Variants in CDCA2 observed in about 807,000 individuals in gnomAD.
CDCA2 encodes the protein cell division cycle associated 2, also known as cell division cycle-associated protein 2.
Under a neutral mutation model 67.0 loss-of-function variants are expected in CDCA2, and 44 were observed. The ratio of observed to expected loss-of-function variants is 0.66; its 90% CI spans 0.52 to 0.84. CDCA2 has a LOEUF of 0.84. Among genes scored for constraint, CDCA2 ranks in the 40% least tolerant of loss-of-function variants. The probability of loss-of-function intolerance (pLI) is 0.00; values close to 1 mark genes in which losing one functional copy is unlikely to be tolerated. For missense variants in CDCA2, 1,253 were observed against 1,203.2 expected (o/e 1.04, Z -0.61); for synonymous variants, 447 against 418.7 (o/e 1.07, Z -0.82).
intron 13 of CDCA2, 105 bp downstream of exon 13, chr8:25,488,794 C>A: frequency 1.3e-5 from 15 of 1,126,366 alleles, no homozygotes; most frequent in Non-Finnish European, 1.5e-5. Context: ...GACTTTGGAC[C>A]AAGATTATTA....
chr8:25,459,183 G>C (rs568193537), upstream of CDCA2: 1 of 152,440 alleles, frequency 6.6e-6, no homozygotes, highest in South Asian at 2.1e-4. Flanking sequence ...ATTCGGTACC[G>C]AGGGGCGGGG....
intron 8 of CDCA2, among the ~76,000 whole-genome samples, chr8:25,481,975 A>C (rs1040584524): frequency 6.6e-6 from 1 of 152,204 alleles, no homozygotes; most frequent in Non-Finnish European, 1.5e-5. Flanking sequence ...TTGGATGTAC[A>C]GGAGAAAATG....
At chr8:25,460,017 T>G (rs1480104189) in intron 1 of CDCA2, among the ~76,000 whole-genome samples, 1 of 152,226 alleles carries the variant, frequency 6.6e-6, no homozygotes, top group Non-Finnish European at 1.5e-5. Context: ...TACTTTGATT[T>G]GATTATTACG....
chr8:25,464,537 A>C (rs1802823844), intron 4 of CDCA2, among the ~76,000 whole-genome samples: 1 of 152,224 alleles, frequency 6.6e-6, no homozygotes, highest in African/African-American at 2.4e-5. Flanking sequence ...AAAGCAGTAC[A>C]TTTTGAATGT....
In CDCA2 at chr8:25,468,321, A is replaced by G; in HGVS notation, c.643A>G (p.Thr215Ala). 1 of 1,613,920 alleles carries G rather than the reference A, an allele frequency of 6.2e-7. No individual in the cohort carries two copies. Among genetic ancestry groups the G allele is most frequent in the Admixed American group, 1.7e-5 (1 of 59,994 alleles). Residue 215 changes from threonine (T) to alanine (A), a missense_variant, in exon 6 of 15, where the codon ACG becomes GCG. Thr to Ala is a moderately conservative substitution (Grantham distance 58). Transcript: ENST00000330560. ...TCAGAGAGACTCTGATGAAAATCTG[A>G]CGGATGCTGAAGGAAAAGTAATTGG... is the stretch of plus-strand genomic sequence containing the variant. ...SYQRDSDENL[T>A]DAEGKVIGLQ...
At position 25,507,775 on chromosome 8, in the gene CDCA2, G is replaced by A. The variant is rs1804746914; in HGVS notation, c.*37G>A. 6.4e-7 allele frequency: 1 copy of A among 1,570,348 alleles called. No individual in the cohort carries two copies. The highest frequency in any genetic ancestry group is 8.6e-7 in the Non-Finnish European group (1 of 1,163,312). On this transcript the variant is annotated 3_prime_UTR_variant, in exon 15 of 15. Coordinates refer to ENST00000330560, the MANE Select transcript of CDCA2 (RefSeq NM_152562.4). The stretch of plus-strand genomic sequence containing the variant: ...TGCAGAGTCTGTGGCAAGAGGGAAA[G>A]TAACCATCTATGCTGAAATGATCTG...
chr8:25,492,562 A>G (rs1804054096), intron 13 of CDCA2, among the ~76,000 whole-genome samples: 1 of 152,242 alleles, frequency 6.6e-6, no homozygotes, highest in East Asian at 1.9e-4. Context: ...TTTAGAGTAA[A>G]TATGAAGGAA....
At chr8:25,504,479 A>G (rs1410918597) in intron 14 of CDCA2, among the ~76,000 whole-genome samples, 1 of 151,982 alleles carries the variant, frequency 6.6e-6, no homozygotes, top group Non-Finnish European at 1.5e-5. Context: ...GTATAGAATC[A>G]TTTTTCAAAT....
At chr8:25,476,162 G>T (rs1225335347) in intron 7 of CDCA2, among the ~76,000 whole-genome samples, 1 of 152,136 alleles carries the variant, frequency 6.6e-6, no homozygotes, top group African/African-American at 2.4e-5. Context: ...TGTTATTTTT[G>T]CCTGCAGATA....
chr8:25,468,411 G>A lies in CDCA2; in HGVS notation c.733G>A (p.Glu245Lys). 6.2e-7 allele frequency: 1 copy of A among 1,608,908 alleles called. No homozygotes were observed. Among genetic ancestry groups the A allele is most frequent in the South Asian group, 1.1e-5 (1 of 90,324 alleles). ...AGTTGAAACTTCTGTAGATCTTTCT[G>A]AGGTAATTCACTTACTTTACGCATA... ...CAVETSVDLS[E>K]ISSKLGSTQS... Residue 245 changes from glutamate to lysine, a missense_variant and splice_region_variant, in exon 6 of 15, where the codon GAG becomes AAG. Transcript: ENST00000330560.
At chr8:25,486,544 T>C (rs992937597) in intron 11 of CDCA2, among the ~76,000 whole-genome samples, 10 of 152,182 alleles carry the variant, frequency 6.6e-5, no homozygotes, top group African/African-American at 2.4e-4. Flanking sequence ...GGCTCATGCC[T>C]GTAATCCCTT....
At chr8:25,498,276 C>T (rs999102395) in intron 13 of CDCA2, among the ~76,000 whole-genome samples, 1 of 152,026 alleles carries the variant, frequency 6.6e-6, no homozygotes, top group African/African-American at 2.4e-5. Flanking sequence ...GGCACGATCT[C>T]GGCTCACTGC....
At chr8:25,497,775 T>C (rs1483837013) in intron 13 of CDCA2, among the ~76,000 whole-genome samples, 2 of 152,208 alleles carry the variant, frequency 1.3e-5, no homozygotes, top group East Asian at 3.8e-4. Context: ...TTTCCCAATG[T>C]GTACATATGT....
intron 13 of CDCA2, among the ~76,000 whole-genome samples, chr8:25,500,167 T>C (rs1804415907): frequency 6.6e-6 from 1 of 152,166 alleles, no homozygotes; most frequent in Non-Finnish European, 1.5e-5. Flanking sequence ...CATTCATTCA[T>C]TCGTATTTGT....
At position 25,507,094 on chromosome 8, in the gene CDCA2, G is replaced by A. The variant is rs1804712009; in HGVS notation, c.2428G>A (p.Asp810Asn). The A allele has an allele frequency of 6.2e-7, 1 of 1,614,154 alleles. No individual in the cohort carries two copies. Among genetic ancestry groups the A allele is most frequent in the Non-Finnish European group, 8.5e-7 (1 of 1,180,032 alleles). Residue 810 changes from aspartate (D) to asparagine (N), a missense_variant, in exon 15 of 15, where the codon GAT (aspartate) becomes AAT (asparagine). Asp to Asn is a conservative substitution (Grantham distance 23). Transcript: ENST00000330560. ...NTKESKSQSE[D>N]LGRKPMESSS... ...GAAAGAATCTAAAAGCCAGAGTGAG[G>A]ATTTGGGAAGAAAACCCATGGAAAG...
rs1370204015 is a variant in CDCA2, at chr8:25,507,188, G to GTTTA, written c.2523_2526dup (p.His843PhefsTer22). On this transcript the variant is annotated frameshift_variant, in exon 15 of 15. Coordinates refer to ENST00000330560, the MANE Select transcript of CDCA2 (RefSeq NM_152562.4). LOFTEE classifies it low-confidence loss of function (END_TRUNC). ...TCCATGTGTTATTCTGATGGTCGAA[G>GTTTA]TTTACATTTGGAAAAAAATGGAAAT... 1 of 1,614,184 alleles carries GTTTA rather than the reference G, an allele frequency of 6.2e-7. No individual in the cohort carries two copies. Among genetic ancestry groups the GTTTA allele is most frequent in the African/African-American group, 1.3e-5 (1 of 75,050 alleles).
intron 6 of CDCA2, 68 bp from the exon 7 acceptor site, chr8:25,469,828 A>G: frequency 1.1e-6 from 1 of 945,716 alleles, no homozygotes. Flanking sequence ...TGTTTACTCA[A>G]ATCTTCAAAA....
intron 6 of CDCA2, among the ~76,000 whole-genome samples, chr8:25,469,507 C>T (rs751696747): frequency 6.6e-6 from 1 of 152,074 alleles, no homozygotes; most frequent in Non-Finnish European, 1.5e-5. Context: ...TTATTGATAT[C>T]GTTTGGCGTT....
intron 12 of CDCA2, 110 bp downstream of exon 12, chr8:25,487,444 T>G: frequency 4.0e-6 from 3 of 741,378 alleles, no homozygotes; most frequent in Admixed American, 2.6e-5. Context: ...TCAGTGTCAT[T>G]AAGAATTAAT....
Sources: allele counts gnomAD v4.1 joint callset (sites outside exome capture counted in the v4.1 genomes callset), GRCh38; gene constraint gnomAD v4.1.1; transcripts MANE v1.5; gene names NCBI Gene and HGNC (gene_info 2026-07-23, HGNC 2026-07-21).